FBXL22: variants seen among roughly 807,000 people sequenced by gnomAD.
The protein encoded by FBXL22 is F-box and leucine-rich protein 22.
FBXL22 carries 13 observed loss-of-function variants against 11.7 expected under a neutral mutation model. The observed-to-expected ratio is 1.11, with a 90% CI of 0.73 to 1.77. FBXL22 has a LOEUF of 1.77. FBXL22 is among the 40% of genes most tolerant of loss of function. The pLI is 0.00. For synonymous variants in FBXL22, 160 were observed against 144.1 expected (o/e 1.11, Z -0.79); for missense variants, 406 against 320.4 (o/e 1.27, Z -2.04).
chr15:63,601,594 A>G (rs929847452), downstream of FBXL22: 2 of 1,579,630 alleles, frequency 1.3e-6, no homozygotes, highest in Non-Finnish European at 1.7e-6. Context: ...GCGCACGGGC[A>G]GAAGGAGCCA....
the FBXL22 span, among the ~76,000 whole-genome samples, chr15:63,607,744 A>G: frequency 6.5e-4 from 99 of 152,256 alleles, no homozygotes; most frequent in South Asian, 5.6e-3. Flanking sequence ...GTCGGCAAAG[A>G]CCCTGTCCGC....
intron 1 of FBXL22, chr15:63,600,130 G>T: frequency 1.0e-6 from 1 of 985,826 alleles, no homozygotes; most frequent in Non-Finnish European, 1.2e-6. Context: ...TGGCCCAGGG[G>T]ATGCAGGAAC....
chr15:63,605,085 A>C (rs2067407070), downstream of FBXL22, among the ~76,000 whole-genome samples: 1 of 152,132 alleles, frequency 6.6e-6, no homozygotes, highest in Admixed American at 6.5e-5. Flanking sequence ...TAAAAAACAA[A>C]AGAAAAATCC....
rs1247682942 is a variant in FBXL22, at chr15:63,600,356, CAA to C, written c.354-339_354-338del. 21 of 1,086,554 alleles carry C rather than the reference CAA, an allele frequency of 1.9e-5. No homozygotes were observed. The Admixed American group carries it at 4.7e-4, about 24-fold the overall frequency. 67.3% of individuals were successfully genotyped at this position (1,086,554 alleles called of 1,614,324 possible). A position where few individuals can be genotyped will look rare whatever the true frequency, so the allele number is the denominator to read the frequency against. ...GCAAGGCAGCACATCCAGAGCGAAA[CAA>C]AGAGTCAAGGGTTGTGGCTCCTGGA... On this transcript the variant is annotated intron_variant, in intron 1 of 1. Coordinates refer to ENST00000638704, the MANE Select transcript of FBXL22 (RefSeq NM_001367807.1).
At chr15:63,601,861 G>A, downstream of FBXL22, 1 of 904,040 alleles carries the variant, frequency 1.1e-6, no homozygotes, top group Non-Finnish European at 1.6e-6. Context: ...TTTTGATAAT[G>A]GAACCATTAT....
chr15:63,605,482 T>C (rs765341718), downstream of FBXL22, among the ~76,000 whole-genome samples: 1 of 152,222 alleles, frequency 6.6e-6, no homozygotes, highest in Non-Finnish European at 1.5e-5. Context: ...TATCTGTGGG[T>C]AAGCCAGGCA....
Position 63,600,181 on chromosome 15 carries a change from G to A in FBXL22, c.354-516G>A, listed in dbSNP as rs920344956. ...AGCTGAACCCGGACTCAATGCTAACGCGTGCCCCCACCGCCTTGAGGGTTG... is the reference window on the plus strand; with the variant it reads ...AGCTGAACCCGGACTCAATGCTAACACGTGCCCCCACCGCCTTGAGGGTTG... On this transcript the variant is annotated intron_variant, in intron 1 of 1. Coordinates refer to ENST00000638704, the MANE Select transcript of FBXL22 (RefSeq NM_001367807.1). 5 of 985,930 alleles carry A rather than the reference G, an allele frequency of 5.1e-6. No individual in the cohort carries two copies. The African/African-American group carries it at 8.7e-5, about 17-fold the overall frequency. 61.1% of individuals were successfully genotyped at this position (985,930 alleles called of 1,614,324 possible).
At chr15:63,603,613 C>G (rs773967798), downstream of FBXL22, among the ~76,000 whole-genome samples, 5 of 152,218 alleles carry the variant, frequency 3.3e-5, no homozygotes, top group Non-Finnish European at 7.4e-5. Flanking sequence ...GAAGTCCCAG[C>G]GGCCCTGGAT....
chr15:63,599,812 T>A (rs1595795154), intron 1 of FBXL22: 2 of 985,900 alleles, frequency 2.0e-6, no homozygotes, highest in East Asian at 2.3e-4. Context: ...AGCAGGCTGG[T>A]CCCGTTTGTT....
chr15:63,597,387 A>T lies in FBXL22; in HGVS notation c.-6A>T. 1 of 1,596,012 alleles carries T rather than the reference A, an allele frequency of 6.3e-7. No homozygotes were observed. Among genetic ancestry groups the T allele is most frequent in the African/African-American group, 1.3e-5 (1 of 74,788 alleles). On this transcript the variant is annotated 5_prime_UTR_variant, in exon 1 of 2. Transcript: ENST00000638704. The surrounding 1 kb of genome is among the most constrained non-coding windows in gnomAD (Gnocchi z 4.3). Reference sequence around the variant, plus strand: ...TCAGCCGTCCCCCGGCTGCAGCTGCACTCACATGTGGCCACTGCTCACCAT... The same window carrying T: ...TCAGCCGTCCCCCGGCTGCAGCTGCTCTCACATGTGGCCACTGCTCACCAT...
At position 63,597,663 on chromosome 15, in the gene FBXL22, T is replaced by G; in HGVS notation, c.271T>G (p.Trp91Gly). Residue 91 changes from tryptophan (W) to glycine (G), a missense_variant, in exon 1 of 2, where the codon TGG (tryptophan) becomes GGG (glycine). Transcript: ENST00000638704. This position sits in a 1 kb window ranked among gnomAD's most constrained non-coding sequence, Gnocchi z 4.3. ...SRVQVCSIED[W>G]LKSAFQRSIC... The stretch of plus-strand genomic sequence containing the variant: ...CGTGCAGGTGTGCAGCATTGAGGAC[T>G]GGCTCAAGAGTGCCTTCCAGAGAAG... The G allele has an allele frequency of 2.5e-6, 4 of 1,611,810 alleles. No homozygotes were observed. The highest frequency in any genetic ancestry group is 3.4e-6 in the Non-Finnish European group (4 of 1,179,086).
At chr15:63,606,113 G>A (rs1330440539), downstream of FBXL22, among the ~76,000 whole-genome samples, 4 of 152,210 alleles carry the variant, frequency 2.6e-5, no homozygotes, top group African/African-American at 9.6e-5. Flanking sequence ...TCTAGTCGGG[G>A]CACACCTATG....
At chr15:63,598,551 T>C (rs2067311297) in intron 1 of FBXL22, among the ~76,000 whole-genome samples, 1 of 152,146 alleles carries the variant, frequency 6.6e-6, no homozygotes, top group Admixed American at 6.6e-5. Flanking sequence ...CACAGAGCTA[T>C]TCAACCAGCC....
chr15:63,598,832 G>A (rs2152688238), intron 1 of FBXL22, among the ~76,000 whole-genome samples: 1 of 152,348 alleles, frequency 6.6e-6, no homozygotes, highest in South Asian at 2.1e-4. Context: ...GGCTTAACAA[G>A]GCCCAGGAAT....
downstream of FBXL22, chr15:63,601,778 G>C (rs2067377353): frequency 7.2e-7 from 1 of 1,385,736 alleles, no homozygotes; most frequent in Non-Finnish European, 9.4e-7. Flanking sequence ...TCTCATAAGG[G>C]AAAAAGAAAT....
rs749732087 is a variant in FBXL22 at position 63,597,641 on chromosome 15, G to A, written c.249G>A (p.Val83=). The change falls in exon 1 of 2, where the codon GTG becomes GTA. Residue 83 remains valine, a synonymous_variant. Coordinates refer to ENST00000638704, the MANE Select transcript of FBXL22 (RefSeq NM_001367807.1). The surrounding 1 kb of genome is among the most constrained non-coding windows in gnomAD (Gnocchi z 4.3). The part of the protein sequence containing the change: ...SLSICWHSSR[V]QVCSIEDWLK... Reference sequence around the variant, plus strand: ...CCATCTGCTGGCACTCCAGCCGCGTGCAGGTGTGCAGCATTGAGGACTGGC... The same window carrying A: ...CCATCTGCTGGCACTCCAGCCGCGTACAGGTGTGCAGCATTGAGGACTGGC... The A allele has an allele frequency of 6.2e-7, 1 of 1,613,344 alleles. No homozygotes were observed. The highest frequency in any genetic ancestry group is 2.2e-5 in the East Asian group (1 of 44,878).
rs1387408923 is a variant in FBXL22, at chr15:63,597,390, C to G, written c.-3C>G. 4 of 1,598,808 alleles carry G rather than the reference C, an allele frequency of 2.5e-6. No individual in the cohort carries two copies. In the African/African-American group the frequency reaches 5.4e-5, roughly 21 times the overall value. On this transcript the variant is annotated 5_prime_UTR_variant, in exon 1 of 2. Transcript: ENST00000638704. The surrounding 1 kb of genome is among the most constrained non-coding windows in gnomAD (Gnocchi z 4.3). The stretch of plus-strand genomic sequence containing the variant: ...GCCGTCCCCCGGCTGCAGCTGCACT[C>G]ACATGTGGCCACTGCTCACCATGCA...
downstream of FBXL22, chr15:63,601,244 C>A (rs967627591): frequency 6.0e-6 from 9 of 1,510,942 alleles, no homozygotes; most frequent in African/African-American, 1.3e-4. Flanking sequence ...GGAAAACACT[C>A]GGCTGGTTCT....
chr15:63,601,509 C>T, downstream of FBXL22: 1 of 1,551,406 alleles, frequency 6.4e-7, no homozygotes, highest in Non-Finnish European at 8.7e-7. Flanking sequence ...CGCCGGCTCC[C>T]GGAGTGTCCT....
Sources: gnomAD v4.1 joint callset for allele counts (sites outside exome capture counted in the v4.1 genomes callset) on GRCh38, gnomAD v4.1.1 for gene constraint, Gnocchi (gnomAD v3.1) non-coding constraint, MANE v1.5 for transcripts, NCBI Gene and HGNC (gene_info 2026-07-23, HGNC 2026-07-21) for gene names.